CHRNB3: variants seen among roughly 807,000 people sequenced by gnomAD.
The protein encoded by CHRNB3 is cholinergic receptor nicotinic beta 3 subunit, also known as neuronal acetylcholine receptor subunit beta-3.
Under a neutral mutation model 40.6 loss-of-function variants are expected in CHRNB3, and 37 were observed. That is an observed-to-expected ratio of 0.91 (90% CI 0.70 to 1.20). The LOEUF is 1.20. CHRNB3 is among the 50% of genes most tolerant of loss of function. The pLI is 0.00. For synonymous variants in CHRNB3, 207 were observed against 207.1 expected (o/e 1.00, Z 0.00); for missense variants, 505 against 551.2 (o/e 0.92, Z 0.84).
intron 3 of CHRNB3, chr8:42,721,826 C>T (rs1041169473): frequency 3.9e-5 from 6 of 152,082 alleles, no homozygotes; most frequent in African/African-American, 1.5e-4. Flanking sequence ...TCTCAGAAGC[C>T]CTGTGGTGTC....
chr8:42,719,700 C>T (rs561432648), intron 3 of CHRNB3, among the ~76,000 whole-genome samples: 42 of 152,188 alleles, frequency 2.8e-4, no homozygotes, highest in African/African-American at 9.6e-4. Flanking sequence ...TCAGGGAGAA[C>T]GCTCTGTGAT....
At chr8:42,703,858 A>G (rs1330996669) in intron 1 of CHRNB3, among the ~76,000 whole-genome samples, 1 of 152,210 alleles carries the variant, frequency 6.6e-6, no homozygotes, top group Non-Finnish European at 1.5e-5. Flanking sequence ...CTATTTCACA[A>G]GAAGGACAAA....
intron 3 of CHRNB3, among the ~76,000 whole-genome samples, chr8:42,715,739 C>G (rs1416559561): frequency 6.6e-6 from 1 of 152,052 alleles, no homozygotes; most frequent in Non-Finnish European, 1.5e-5. Flanking sequence ...CAGAGGAAGT[C>G]TTCTACATGG....
rs775527839 is a variant in CHRNB3 at position 42,731,955 on chromosome 8, C to T, written c.648C>T (p.Gly216=). The T allele has an allele frequency of 5.0e-6, 8 of 1,613,978 alleles. No individual in the cohort carries two copies. The highest frequency in any genetic ancestry group is 1.1e-5 in the South Asian group (1 of 91,078). The change falls in exon 5 of 6, where the codon GGC becomes GGT. Residue 216 remains glycine, a synonymous_variant. Coordinates refer to ENST00000289957, the MANE Select transcript of CHRNB3 (RefSeq NM_000749.5). The stretch of plus-strand genomic sequence containing the variant: ...GGATGAAGGGGAACAGAAGGGACGG[C>T]GTGTACTCCTATCCCTTTATCACGT... ...AKGMKGNRRD[G]VYSYPFITYS...
chr8:42,714,511 A>G (rs2128906244), intron 3 of CHRNB3, among the ~76,000 whole-genome samples: 2 of 152,014 alleles, frequency 1.3e-5, no homozygotes, highest in Middle Eastern at 6.8e-3. Context: ...AAACAAAACA[A>G]AACTTTTTAA....
chr8:42,732,861 T>C (rs1432526432), intron 5 of CHRNB3, among the ~76,000 whole-genome samples: 1 of 152,208 alleles, frequency 6.6e-6, no homozygotes, highest in East Asian at 1.9e-4. Context: ...TTGGTTAGCC[T>C]GGTTTCTGGT....
chr8:42,705,291 G>T (rs1815902796), intron 1 of CHRNB3, among the ~76,000 whole-genome samples: 1 of 152,202 alleles, frequency 6.6e-6, no homozygotes, highest in Non-Finnish European at 1.5e-5. Context: ...GGAAAAGGGG[G>T]AATGCCTGTT....
At chr8:42,719,377 G>T (rs78344017) in intron 3 of CHRNB3, among the ~76,000 whole-genome samples, 8,702 of 152,226 alleles carry the variant, frequency 0.057, 327 homozygotes, top group Middle Eastern at 0.11. Flanking sequence ...GGGCATGGTG[G>T]CTCCTGCCTG....
chr8:42,723,601 T>A (rs1435459739), intron 3 of CHRNB3, among the ~76,000 whole-genome samples: 1 of 152,124 alleles, frequency 6.6e-6, no homozygotes, highest in Non-Finnish European at 1.5e-5. Context: ...AGGCTGCACA[T>A]CTCCTGGGGG....
chr8:42,702,023 T>G (rs1387488962), intron 1 of CHRNB3, among the ~76,000 whole-genome samples: 1 of 152,218 alleles, frequency 6.6e-6, no homozygotes, highest in Non-Finnish European at 1.5e-5. Context: ...CCTCTCATTA[T>G]TAAATAAATA....
At chr8:42,716,264 A>G (rs1816102726) in intron 3 of CHRNB3, among the ~76,000 whole-genome samples, 1 of 152,020 alleles carries the variant, frequency 6.6e-6, no homozygotes, top group African/African-American at 2.4e-5. Context: ...GGCGTGAGCC[A>G]CTGTGCTGGG....
chr8:42,721,107 C>G (rs1303546214), intron 3 of CHRNB3, among the ~76,000 whole-genome samples: 1 of 152,246 alleles, frequency 6.6e-6, no homozygotes, highest in Non-Finnish European at 1.5e-5. Flanking sequence ...GTCCCCAGTG[C>G]TCTTAGCTAT....
At chr8:42,729,178 C>G (rs534282977) in intron 3 of CHRNB3, among the ~76,000 whole-genome samples, 8 of 151,920 alleles carry the variant, frequency 5.3e-5, no homozygotes, top group Non-Finnish European at 1.2e-4. Flanking sequence ...GAGGCCGAGG[C>G]GGGCAGATCA....
Position 42,730,580 on chromosome 8 carries a change from C to G in CHRNB3, c.250-14C>G, listed in dbSNP as rs1163912613. The G allele has an allele frequency of 2.0e-6, 3 of 1,493,900 alleles. No homozygotes were observed. Among genetic ancestry groups the G allele is most frequent in the East Asian group, 2.3e-5 (1 of 43,488 alleles). 92.5% of individuals were successfully genotyped at this position (1,493,900 alleles called of 1,614,324 possible). ...ACTTTCGGAATAAAATCACAGTGTA[C>G]TAATTTCATGCAGGAATGGACAGAC... On this transcript the variant is annotated splice_polypyrimidine_tract_variant and intron_variant, in intron 3 of 5. Coordinates refer to ENST00000289957, the MANE Select transcript of CHRNB3 (RefSeq NM_000749.5).
intron 1 of CHRNB3, among the ~76,000 whole-genome samples, chr8:42,701,089 G>A (rs1301819393): frequency 5.9e-5 from 9 of 151,970 alleles, no homozygotes; most frequent in East Asian, 5.8e-4. Flanking sequence ...TTAGCTGGGC[G>A]TGGTGGCACA....
At chr8:42,701,104 T>A (rs1347807570) in intron 1 of CHRNB3, among the ~76,000 whole-genome samples, 1 of 151,580 alleles carries the variant, frequency 6.6e-6, no homozygotes, top group Non-Finnish European at 1.5e-5. Context: ...GGCACATGCC[T>A]GTAATCCCAG....
intron 3 of CHRNB3, chr8:42,725,887 A>G: frequency 2.4e-6 from 2 of 836,848 alleles, no homozygotes; most frequent in Non-Finnish European, 4.1e-6. Flanking sequence ...ACCACTAAAA[A>G]TTTTCTTTGG....
chr8:42,725,682 C>A, intron 3 of CHRNB3: 1 of 955,162 alleles, frequency 1.0e-6, no homozygotes, highest in Non-Finnish European at 1.7e-6. Flanking sequence ...ACCACGAGAT[C>A]TCCTGGAAAT....
chr8:42,700,019 C>CTT (rs573615558), intron 1 of CHRNB3, among the ~76,000 whole-genome samples: 2 of 140,902 alleles, frequency 1.4e-5, no homozygotes, highest in African/African-American at 5.2e-5. Flanking sequence ...AATTTCTTTT[C>CTT]TTTTTTTTTT....
Sources: allele counts gnomAD v4.1 joint callset (sites outside exome capture counted in the v4.1 genomes callset), GRCh38; gene constraint gnomAD v4.1.1; transcripts MANE v1.5; gene names NCBI Gene and HGNC (gene_info 2026-07-23, HGNC 2026-07-21).